Variants in NLGN1 observed in about 807,000 individuals in gnomAD.
NLGN1 encodes the protein neuroligin 1.
NLGN1 carries 12 observed loss-of-function variants against 65.5 expected under a neutral mutation model. The ratio of observed to expected loss-of-function variants is 0.18; its 90% CI spans 0.12 to 0.30. The LOEUF (loss-of-function observed/expected upper bound fraction) is 0.30, where lower values mean the gene tolerates loss of function less well. Among genes scored for constraint, NLGN1 ranks in the 10% least tolerant of loss-of-function variants. The pLI is 1.00. For synonymous variants in NLGN1, 350 were observed against 359.5 expected (o/e 0.97, Z 0.30); for missense variants, 750 against 1,007.1 (o/e 0.74, Z 3.46).
At chr3:173,819,976 A>G (rs1290853580) in intron 4 of NLGN1, among the ~76,000 whole-genome samples, 1 of 152,112 alleles carries the variant, frequency 6.6e-6, no homozygotes, top group African/African-American at 2.4e-5. Context: ...TCCCAAATAC[A>G]TGAGGTGAGG....
rs140860157 is a variant in NLGN1 at position 173,566,652 on chromosome 3, T to G, written c.-320-37627T>G. Reference sequence around the variant, plus strand: ...CCCTCTACCCTCACCCTGCAAACAATTAAATGTTTCCTTAACTATCTGCTA... The same window carrying G: ...CCCTCTACCCTCACCCTGCAAACAAGTAAATGTTTCCTTAACTATCTGCTA... On this transcript the variant is annotated intron_variant, in intron 2 of 6. Transcript: ENST00000457714. Among the ~76,000 whole-genome samples, 5 of 152,120 alleles carry G rather than the reference T, an allele frequency of 3.3e-5. No individual in the cohort carries two copies. The East Asian group carries it at 9.6e-4, about 29-fold the overall frequency.
chr3:174,016,480 A>G (rs538482398), intron 4 of NLGN1, among the ~76,000 whole-genome samples: 12 of 152,298 alleles, frequency 7.9e-5, no homozygotes, highest in African/African-American at 2.2e-4. Flanking sequence ...CACTGAGTGC[A>G]CAAGATATCA....
intron 3 of NLGN1, among the ~76,000 whole-genome samples, chr3:173,653,814 A>T (rs1759575289): frequency 6.6e-6 from 1 of 152,146 alleles, no homozygotes; most frequent in South Asian, 2.1e-4. Context: ...TTCTAGGTCT[A>T]GGAACCTCAG....
intron 2 of NLGN1, among the ~76,000 whole-genome samples, chr3:173,490,833 G>C (rs938638560): frequency 1.3e-5 from 2 of 151,940 alleles, no homozygotes; most frequent in Admixed American, 1.3e-4. Context: ...TGGATTCCTA[G>C]GTATTTTATT....
At chr3:173,638,705 A>G (rs1056879989) in intron 3 of NLGN1, among the ~76,000 whole-genome samples, 1 of 152,150 alleles carries the variant, frequency 6.6e-6, no homozygotes, top group African/African-American at 2.4e-5. Flanking sequence ...TGGAATCTCT[A>G]TGAGGGGAGT....
In NLGN1 at chr3:173,439,532, C is replaced by CA. The variant is rs200232920; in HGVS notation, c.-321+4469dup. Among the ~76,000 whole-genome samples the CA allele has an allele frequency of 6.7e-3, 825 of 122,832 alleles. 8 individuals are homozygous for CA. Among genetic ancestry groups the CA allele is most frequent in the African/African-American group, 0.018 (641 of 35,438 alleles). 80.6% of individuals were successfully genotyped at this position (122,832 alleles called of 152,430 possible). A position where few individuals can be genotyped will look rare whatever the true frequency, so the allele number is the denominator to read the frequency against. ...GTTAAAAGGACTGCTCATTCACCTG[C>CA]AAAAAAAAAAAAAAAGTACAGGAAC... On this transcript the variant is annotated intron_variant, in intron 2 of 6. Transcript: ENST00000457714.
intron 2 of NLGN1, among the ~76,000 whole-genome samples, chr3:173,531,595 A>G (rs1386697592): frequency 2.0e-5 from 3 of 152,004 alleles, no homozygotes; most frequent in Non-Finnish European, 2.9e-5. Context: ...ACACACTTCT[A>G]TGGAAATCAT....
intron 2 of NLGN1, among the ~76,000 whole-genome samples, chr3:173,562,335 A>G (rs1742869860): frequency 6.6e-6 from 1 of 152,186 alleles, no homozygotes; most frequent in Non-Finnish European, 1.5e-5. Flanking sequence ...TTGGGAGGCC[A>G]AGGTGAGCGG....
intron 3 of NLGN1, among the ~76,000 whole-genome samples, chr3:173,611,208 TC>T (rs1228828032): frequency 6.6e-6 from 1 of 152,026 alleles, no homozygotes; most frequent in East Asian, 1.9e-4. Flanking sequence ...AGTGAGATCT[TC>T]CTATGGTCTA....
intron 2 of NLGN1, among the ~76,000 whole-genome samples, chr3:173,597,890 A>G (rs552710357): frequency 3.9e-5 from 6 of 152,248 alleles, no homozygotes; most frequent in East Asian, 1.9e-4. Flanking sequence ...TAAAATGGGC[A>G]TTAATTCAGA....
At chr3:173,776,119 T>C (rs952234626) in intron 3 of NLGN1, among the ~76,000 whole-genome samples, 1 of 152,188 alleles carries the variant, frequency 6.6e-6, no homozygotes, top group Middle Eastern at 3.4e-3. Context: ...TTTTCTTAAC[T>C]AAAGTTTTCT....
intron 2 of NLGN1, among the ~76,000 whole-genome samples, chr3:173,584,223 A>G (rs558194347): frequency 1.3e-5 from 2 of 149,378 alleles, no homozygotes; most frequent in African/African-American, 5.0e-5. Context: ...TGCAGTAGCC[A>G]GTTATCTAAA....
intron 3 of NLGN1, among the ~76,000 whole-genome samples, chr3:173,633,387 A>G (rs918934190): frequency 2.6e-5 from 4 of 152,094 alleles, no homozygotes; most frequent in Admixed American, 1.3e-4. Context: ...AGTGTTTTTA[A>G]TGTACATTTC....
intron 4 of NLGN1, among the ~76,000 whole-genome samples, chr3:174,012,496 C>T (rs889968561): frequency 6.6e-6 from 1 of 152,120 alleles, no homozygotes; most frequent in Admixed American, 6.6e-5. Flanking sequence ...ATAAAGCATC[C>T]TCTATCATTT....
At chr3:173,817,998 C>A (rs562625439) in intron 4 of NLGN1, among the ~76,000 whole-genome samples, 4 of 152,224 alleles carry the variant, frequency 2.6e-5, no homozygotes, top group Non-Finnish European at 4.4e-5. Context: ...ATTCAACAAC[C>A]ATTTCCAGGT....
chr3:173,605,787 A>C (rs923911716), intron 3 of NLGN1, among the ~76,000 whole-genome samples, 194 bp downstream of exon 3: 1 of 152,034 alleles, frequency 6.6e-6, no homozygotes, highest in Non-Finnish European at 1.5e-5. Context: ...GGCAAAGCTC[A>C]TTGGTTGTGC....
chr3:173,712,398 T>C (rs553543110), intron 3 of NLGN1, among the ~76,000 whole-genome samples: 17 of 152,320 alleles, frequency 1.1e-4, no homozygotes, highest in African/African-American at 4.1e-4. Context: ...ATGGTTAAGC[T>C]AATTATACTC....
At chr3:174,175,584 G>T (rs1729298125) in intron 4 of NLGN1, among the ~76,000 whole-genome samples, 1 of 151,688 alleles carries the variant, frequency 6.6e-6, no homozygotes, top group African/African-American at 2.4e-5. Context: ...CAAGAATATT[G>T]CATGGAAAAC....
chr3:173,699,096 T>G (rs1037170760), intron 3 of NLGN1, among the ~76,000 whole-genome samples: 1 of 152,094 alleles, frequency 6.6e-6, no homozygotes, highest in African/African-American at 2.4e-5. Context: ...CCACAGGTGA[T>G]CCATCCACCT....
Sources: gnomAD v4.1 joint callset for allele counts (sites outside exome capture counted in the v4.1 genomes callset) on GRCh38, gnomAD v4.1.1 for gene constraint, MANE v1.5 for transcripts, NCBI Gene and HGNC (gene_info 2026-07-23, HGNC 2026-07-21) for gene names.